Variants in MMP26 observed in about 807,000 individuals in gnomAD.
MMP26 encodes the protein matrix metalloproteinase-26.
Under a neutral mutation model 31.0 loss-of-function variants are expected in MMP26, and 33 were observed. That is an observed-to-expected ratio of 1.06 (90% CI 0.81 to 1.42). The LOEUF (loss-of-function observed/expected upper bound fraction) is 1.42. Ranked by LOEUF, MMP26 falls within the 40% of genes most tolerant of loss-of-function variation. MMP26 has a pLI of 0.00. For synonymous variants in MMP26, 122 were observed against 114.9 expected (o/e 1.06, Z -0.40); for missense variants, 347 against 316.1 (o/e 1.10, Z -0.74).
chr11:4,836,651 CTTT>C (rs71480270), intron 2 of MMP26, among the ~76,000 whole-genome samples: 14 of 95,978 alleles, frequency 1.5e-4, no homozygotes, highest in African/African-American at 6.3e-4. Context: ...TCAAAGACAT[CTTT>C]TTTTTTTTTT....
intron 2 of MMP26, among the ~76,000 whole-genome samples, chr11:4,879,571 A>G (rs559144260): frequency 6.6e-6 from 1 of 152,264 alleles, no homozygotes; most frequent in African/African-American, 2.4e-5. Context: ...TAGACAGCGA[A>G]GTTATTAAAA....
intron 2 of MMP26, chr11:4,821,693 C>A (rs1849503497): frequency 6.2e-7 from 1 of 1,613,976 alleles, no homozygotes; most frequent in Admixed American, 1.7e-5. Flanking sequence ...TGGTTTGAAG[C>A]CCGAGAAATC....
intron 1 of MMP26, among the ~76,000 whole-genome samples, chr11:4,766,341 C>A (rs1244342721): frequency 6.6e-6 from 1 of 152,128 alleles, no homozygotes; most frequent in African/African-American, 2.4e-5. Context: ...TGTGGGCCAC[C>A]TCTGCAAGCC....
chr11:4,723,082 C>G (rs1038985748), intron 1 of MMP26: 1 of 1,357,720 alleles, frequency 7.4e-7, no homozygotes, highest in African/African-American at 1.4e-5. Flanking sequence ...GCAGCTGTCA[C>G]GGCATGTTCT....
chr11:4,875,303 G>A (rs1850364749), intron 2 of MMP26: 1 of 152,092 alleles, frequency 6.6e-6, no homozygotes, highest in East Asian at 1.9e-4. Context: ...TTCTGAAAAG[G>A]GACTAAAGCA....
intron 2 of MMP26, among the ~76,000 whole-genome samples, chr11:4,966,802 A>G (rs1846601745): frequency 6.6e-6 from 1 of 152,128 alleles, no homozygotes; most frequent in Non-Finnish European, 1.5e-5. Flanking sequence ...TATTTGCTGG[A>G]TGGTGCAAGC....
intron 2 of MMP26, chr11:4,769,571 A>C (rs1282359330): frequency 1.2e-5 from 19 of 1,613,138 alleles, no homozygotes; most frequent in Non-Finnish European, 1.5e-5. Context: ...AGCCACCAGC[A>C]CTCCAGATTC....
chr11:4,917,400 A>G (rs1254978017), intron 2 of MMP26, among the ~76,000 whole-genome samples: 4 of 152,244 alleles, frequency 2.6e-5, no homozygotes, highest in Non-Finnish European at 2.9e-5. Context: ...CTTTCTTGCC[A>G]TATAGATAAT....
chr11:4,818,496 G>A (rs1454635021), intron 2 of MMP26, among the ~76,000 whole-genome samples: 2 of 151,894 alleles, frequency 1.3e-5, no homozygotes, highest in African/African-American at 4.8e-5. Flanking sequence ...TTGAAAAAAA[G>A]ATTCATTATA....
At chr11:4,924,961 A>G (rs1395657523) in intron 2 of MMP26, among the ~76,000 whole-genome samples, 1 of 152,204 alleles carries the variant, frequency 6.6e-6, no homozygotes, top group Non-Finnish European at 1.5e-5. Context: ...AATTGCATTG[A>G]AAAATGCTCT....
intron 2 of MMP26, among the ~76,000 whole-genome samples, chr11:4,773,715 G>A (rs1190966941): frequency 6.6e-6 from 1 of 151,514 alleles, no homozygotes; most frequent in East Asian, 1.9e-4. Flanking sequence ...GTGGTTTGCT[G>A]CGACTATCCA....
At chr11:4,908,474 A>G (rs538465546) in intron 2 of MMP26, 3 of 635,000 alleles carry the variant, frequency 4.7e-6, no homozygotes, top group African/African-American at 2.1e-5. Flanking sequence ...AACAGGATAG[A>G]AAAAAAAGTC....
At chr11:4,721,432 G>C (rs1276548629) in intron 1 of MMP26, among the ~76,000 whole-genome samples, 1 of 152,104 alleles carries the variant, frequency 6.6e-6, no homozygotes, top group Non-Finnish European at 1.5e-5. Context: ...CTTCTCCTAG[G>C]ACATGCCCCC....
intron 2 of MMP26, among the ~76,000 whole-genome samples, chr11:4,850,247 A>G (rs928668738): frequency 2.6e-5 from 4 of 152,136 alleles, no homozygotes; most frequent in African/African-American, 7.2e-5. Flanking sequence ...CTTACCTTGG[A>G]TGTTCCAGGC....
At chr11:4,850,123 T>A (rs1378087820) in intron 2 of MMP26, among the ~76,000 whole-genome samples, 2 of 152,186 alleles carry the variant, frequency 1.3e-5, no homozygotes, top group Non-Finnish European at 1.5e-5. Context: ...TTTGAGATAT[T>A]TTTCCTTGGC....
intron 2 of MMP26, among the ~76,000 whole-genome samples, chr11:4,815,490 G>A (rs1408676631): frequency 6.6e-6 from 1 of 151,900 alleles, no homozygotes; most frequent in East Asian, 1.9e-4. Flanking sequence ...TTCCCAGCTT[G>A]ACTTTTTCTT....
Position 4,949,027 on chromosome 11 carries a change from G to A in MMP26, c.-144-39041G>A, listed in dbSNP as rs192277981. ...GTGCTCATTGGCTCAATGTTCATGTGTTCATTGGCTCAATGTTCAACTTTG... is the reference window on the plus strand; with the variant it reads ...GTGCTCATTGGCTCAATGTTCATGTATTCATTGGCTCAATGTTCAACTTTG... On this transcript the variant is annotated intron_variant, in intron 2 of 7. Coordinates refer to ENST00000380390, the MANE Select transcript of MMP26 (RefSeq NM_021801.5). 7.2e-3 allele frequency among the ~76,000 whole-genome samples: 899 copies of A among 124,502 alleles called. 183 individuals carry two copies. The highest frequency in any genetic ancestry group is 0.023 in the African/African-American group (865 of 36,870). The allele number at this position is 124,502 out of a possible 152,430, so 81.7% of individuals were successfully genotyped here.
At position 4,838,738 on chromosome 11, in the gene MMP26, G is replaced by A. The variant is rs1849755626; in HGVS notation, c.-145+71397G>A. Among the ~76,000 whole-genome samples the A allele has an allele frequency of 2.6e-5, 4 of 152,152 alleles. No individual in the cohort carries two copies. In the South Asian group the frequency reaches 8.3e-4, roughly 32 times the overall value. On this transcript the variant is annotated intron_variant, in intron 2 of 7. Coordinates refer to ENST00000380390, the MANE Select transcript of MMP26 (RefSeq NM_021801.5). ...ATAGAAAGTTATCGAGATTCAGAGG[G>A]CAGGGACAGAACAAGATGTAGGAAT...
Position 4,915,593 on chromosome 11 carries a change from C to T in MMP26, c.-144-72475C>T. The T allele has an allele frequency of 6.2e-7, 1 of 1,614,020 alleles. No individual in the cohort carries two copies. The highest frequency in any genetic ancestry group is 1.3e-5 in the African/African-American group (1 of 74,994). On this transcript the variant is annotated intron_variant, in intron 2 of 7. Coordinates refer to ENST00000380390, the MANE Select transcript of MMP26 (RefSeq NM_021801.5). Reference sequence around the variant, plus strand: ...GATCCAGATGTGCATGCGCTCCAGCCCAGGGATGCCACTCAGCAGGAAGGT... The same window carrying T: ...GATCCAGATGTGCATGCGCTCCAGCTCAGGGATGCCACTCAGCAGGAAGGT...
Sources: allele counts gnomAD v4.1 joint callset (sites outside exome capture counted in the v4.1 genomes callset), GRCh38; gene constraint gnomAD v4.1.1; transcripts MANE v1.5; gene names NCBI Gene and HGNC (gene_info 2026-07-23, HGNC 2026-07-21).